KHDRBS2: variants seen among roughly 807,000 people sequenced by gnomAD.
KHDRBS2 encodes the protein KH domain-containing, RNA-binding, signal transduction-associated protein 2.
In KHDRBS2, 26 loss-of-function variants were observed where a neutral mutation model predicts 44.3. The observed-to-expected ratio is 0.59, with a 90% CI of 0.43 to 0.81. The LOEUF is 0.81. Among genes scored for constraint, KHDRBS2 ranks in the 40% least tolerant of loss-of-function variants. KHDRBS2 has a pLI of 0.00. For synonymous variants in KHDRBS2, 194 were observed against 151.1 expected (o/e 1.28, Z -2.08); for missense variants, 476 against 433.1 (o/e 1.10, Z -0.88).
At chr6:61,859,243 C>G (rs1796572099) in intron 6 of KHDRBS2, among the ~76,000 whole-genome samples, 1 of 151,866 alleles carries the variant, frequency 6.6e-6, no homozygotes, top group Admixed American at 6.6e-5. Flanking sequence ...CTCAGAGTCT[C>G]TACTTACCCA....
intron 6 of KHDRBS2, among the ~76,000 whole-genome samples, chr6:61,800,232 T>C (rs948662430): frequency 2.0e-5 from 3 of 152,160 alleles, no homozygotes; most frequent in Admixed American, 1.3e-4. Flanking sequence ...AACTAAATTT[T>C]ATATTTTTGT....
intron 2 of KHDRBS2, among the ~76,000 whole-genome samples, chr6:62,138,061 T>C (rs551091292): frequency 6.6e-6 from 1 of 152,230 alleles, no homozygotes. Flanking sequence ...GGATTTTAAC[T>C]GACGTGTGGG....
the KHDRBS2 span, among the ~76,000 whole-genome samples, chr6:61,566,433 T>C: frequency 6.6e-6 from 1 of 152,192 alleles, no homozygotes; most frequent in African/African-American, 2.4e-5. Flanking sequence ...ATGTTTAAAG[T>C]ATTAGATATC....
chr6:61,734,343 A>G (rs1774977739), intron 6 of KHDRBS2, among the ~76,000 whole-genome samples: 1 of 152,128 alleles, frequency 6.6e-6, no homozygotes, highest in Admixed American at 6.5e-5. Flanking sequence ...TTACATGCAG[A>G]TTATTTAGAA....
At chr6:62,068,903 G>C (rs1794361819) in intron 2 of KHDRBS2, among the ~76,000 whole-genome samples, 3 of 151,610 alleles carry the variant, frequency 2.0e-5, no homozygotes, top group Admixed American at 1.3e-4. Flanking sequence ...TTGTAGCTTT[G>C]TAGTATATTT....
intron 6 of KHDRBS2, among the ~76,000 whole-genome samples, chr6:61,765,475 GTAAA>G (rs1463730756): frequency 6.6e-6 from 1 of 151,768 alleles, no homozygotes; most frequent in Non-Finnish European, 1.5e-5. Flanking sequence ...AAATAAATAA[GTAAA>G]TAAGTAAATA....
chr6:62,106,326 G>C (rs1465620999), intron 2 of KHDRBS2, among the ~76,000 whole-genome samples: 2 of 152,114 alleles, frequency 1.3e-5, no homozygotes, highest in East Asian at 3.9e-4. Context: ...TCAATTCCAG[G>C]GGATCCTTGT....
intron 4 of KHDRBS2, among the ~76,000 whole-genome samples, chr6:61,975,859 T>C (rs1333855356): frequency 2.6e-5 from 4 of 152,188 alleles, no homozygotes; most frequent in South Asian, 2.1e-4. Flanking sequence ...GATTGTGTGG[T>C]TGGGGAAGAG....
chr6:61,583,701 GT>G, the KHDRBS2 span, among the ~76,000 whole-genome samples: 5 of 151,178 alleles, frequency 3.3e-5, no homozygotes, highest in African/African-American at 4.8e-5. Context: ...TAGTTCCTTT[GT>G]TTTTTTAAAA....
At chr6:61,872,557 A>T (rs1386988625) in intron 6 of KHDRBS2, among the ~76,000 whole-genome samples, 1 of 152,140 alleles carries the variant, frequency 6.6e-6, no homozygotes, top group Non-Finnish European at 1.5e-5. Flanking sequence ...GGCCTAAAAG[A>T]TGTGAAAGGT....
At chr6:62,168,028 C>A (rs1819069592) in intron 2 of KHDRBS2, among the ~76,000 whole-genome samples, 1 of 152,140 alleles carries the variant, frequency 6.6e-6, no homozygotes, top group Non-Finnish European at 1.5e-5. Flanking sequence ...GAGGATGAGA[C>A]TTCTTCCAAC....
chr6:61,901,024 C>T (rs897749066), intron 5 of KHDRBS2, among the ~76,000 whole-genome samples: 3 of 152,120 alleles, frequency 2.0e-5, no homozygotes, highest in Admixed American at 1.3e-4. Flanking sequence ...TTCAATTTCT[C>T]ACCTGCAGAT....
At chr6:61,571,327 G>A in the KHDRBS2 span, among the ~76,000 whole-genome samples, 3 of 151,908 alleles carry the variant, frequency 2.0e-5, no homozygotes, top group South Asian at 4.2e-4. Flanking sequence ...GACAAAAAGG[G>A]ACATTATATA....
At chr6:62,017,180 A>G (rs1021960067) in intron 3 of KHDRBS2, among the ~76,000 whole-genome samples, 3 of 152,116 alleles carry the variant, frequency 2.0e-5, no homozygotes, top group African/African-American at 7.2e-5. Flanking sequence ...GACCACACCT[A>G]TAGGAGGCTG....
chr6:61,903,253 C>T (rs1489523797), intron 4 of KHDRBS2, among the ~76,000 whole-genome samples: 1 of 152,070 alleles, frequency 6.6e-6, no homozygotes, highest in Non-Finnish European at 1.5e-5. Flanking sequence ...TAATGTTTTC[C>T]AGTTTCAAAG....
rs1656071296 is a variant in KHDRBS2, at chr6:61,857,883, CTT to C, written c.810+36750_810+36751del. On this transcript the variant is annotated intron_variant, in intron 6 of 8. Coordinates refer to ENST00000281156, the MANE Select transcript of KHDRBS2 (RefSeq NM_152688.4). ...TTCAGATATTAAGTGATATGTATGA[CTT>C]TTATATATAGGACAAATCTATTCAA... is the stretch of plus-strand genomic sequence containing the variant. Among the ~76,000 whole-genome samples, 3 of 151,890 alleles carry C rather than the reference CTT, an allele frequency of 2.0e-5. No homozygotes were observed. In the South Asian group the frequency reaches 6.2e-4, roughly 32 times the overall value.
At chr6:61,822,300 C>A (rs1398851086) in intron 6 of KHDRBS2, among the ~76,000 whole-genome samples, 1 of 151,874 alleles carries the variant, frequency 6.6e-6, no homozygotes, top group South Asian at 2.1e-4. Flanking sequence ...TCGACATTTA[C>A]CCAGTTTTCC....
the KHDRBS2 span, among the ~76,000 whole-genome samples, chr6:61,565,978 T>C: frequency 2.0e-5 from 3 of 146,650 alleles, no homozygotes; most frequent in African/African-American, 7.6e-5. Flanking sequence ...CATCAACAGA[T>C]GTATGGGTAA....
intron 2 of KHDRBS2, among the ~76,000 whole-genome samples, chr6:62,119,583 G>A (rs1245202032): frequency 6.6e-6 from 1 of 152,110 alleles, no homozygotes; most frequent in Non-Finnish European, 1.5e-5. Context: ...GGCAATGATT[G>A]GAAAAGAATG....
Sources: allele counts gnomAD v4.1 joint callset (sites outside exome capture counted in the v4.1 genomes callset), GRCh38; gene constraint gnomAD v4.1.1; transcripts MANE v1.5; gene names NCBI Gene and HGNC (gene_info 2026-07-23, HGNC 2026-07-21).